NEIL3: variants seen among roughly 807,000 people sequenced by gnomAD.
NEIL3 encodes the protein endonuclease 8-like 3.
NEIL3 carries 48 observed loss-of-function variants against 57.5 expected under a neutral mutation model. That is an observed-to-expected ratio of 0.83 (90% CI 0.66 to 1.06). The LOEUF (loss-of-function observed/expected upper bound fraction) is 1.06. NEIL3 is among the 50% of genes least tolerant of loss of function. NEIL3 has a pLI of 0.00. For synonymous variants in NEIL3, 261 were observed against 253.2 expected (o/e 1.03, Z -0.29); for missense variants, 717 against 739.1 (o/e 0.97, Z 0.35).
chr4:177,351,283 A>G, intron 6 of NEIL3, 97 bp from the exon 7 acceptor site: 1 of 577,590 alleles, frequency 1.7e-6, no homozygotes, highest in Non-Finnish European at 2.9e-6. Context: ...ATAAAGAGAT[A>G]GCATTGGGGT....
rs375370636 is a variant in NEIL3 at position 177,344,750 on chromosome 4, C to T, written c.869+3108C>T. On this transcript the variant is annotated intron_variant, in intron 6 of 9. Transcript: ENST00000264596. ...CTAATTTTTGTATTTTTAGTAGAGACGGGGTTTCACCATGTGGGCCAGGCT... is the reference window on the plus strand; with the variant it reads ...CTAATTTTTGTATTTTTAGTAGAGATGGGGTTTCACCATGTGGGCCAGGCT... 5.9e-4 allele frequency among the ~76,000 whole-genome samples: 90 copies of T among 151,944 alleles called. 1 individual carries two copies. The highest frequency in any genetic ancestry group is 2.3e-3 in the South Asian group (11 of 4,816).
chr4:177,319,959 A>G (rs1734647353), intron 1 of NEIL3, among the ~76,000 whole-genome samples: 1 of 152,160 alleles, frequency 6.6e-6, no homozygotes, highest in Non-Finnish European at 1.5e-5. Flanking sequence ...CTCACCATTG[A>G]CTTATAAATG....
chr4:177,317,469 A>G (rs1364434461), intron 1 of NEIL3, among the ~76,000 whole-genome samples: 1 of 152,166 alleles, frequency 6.6e-6, no homozygotes, highest in Non-Finnish European at 1.5e-5. Flanking sequence ...GAGTTTATTT[A>G]CAAGGGAACG....
At chr4:177,331,814 T>C (rs1578993504) in intron 2 of NEIL3, among the ~76,000 whole-genome samples, 1 of 152,308 alleles carries the variant, frequency 6.6e-6, no homozygotes, top group East Asian at 1.9e-4. Flanking sequence ...GTAGTTGACC[T>C]TCGTTTGAGT....
intron 6 of NEIL3, among the ~76,000 whole-genome samples, chr4:177,344,371 C>T (rs1735166800): frequency 6.6e-6 from 1 of 152,124 alleles, no homozygotes; most frequent in Non-Finnish European, 1.5e-5. Context: ...TAAATTTTCT[C>T]ATTTTAATGT....
At chr4:177,310,257 A>G in intron 1 of NEIL3, 148 bp downstream of exon 1, 1 of 984,936 alleles carries the variant, frequency 1.0e-6, no homozygotes, top group Non-Finnish European at 1.4e-6. Context: ...TCGTCACTTT[A>G]CTGTAGGGAG....
At chr4:177,323,052 T>G (rs1002808297) in intron 2 of NEIL3, among the ~76,000 whole-genome samples, 2 of 152,194 alleles carry the variant, frequency 1.3e-5, no homozygotes. Context: ...TCCAGAGAAA[T>G]AACAGGTTCT....
chr4:177,319,956 T>C (rs924913948), intron 1 of NEIL3, among the ~76,000 whole-genome samples: 2 of 152,156 alleles, frequency 1.3e-5, no homozygotes, highest in Admixed American at 1.3e-4. Flanking sequence ...GCTCTCACCA[T>C]TGACTTATAA....
At chr4:177,312,858 T>G (rs907249675) in intron 1 of NEIL3, among the ~76,000 whole-genome samples, 1 of 152,058 alleles carries the variant, frequency 6.6e-6, no homozygotes, top group Non-Finnish European at 1.5e-5. Flanking sequence ...TTCTGGGACT[T>G]TGATCTGAAA....
At position 177,351,426 on chromosome 4, in the gene NEIL3, G is replaced by A; in HGVS notation, c.916G>A (p.Val306Met). 5.0e-6 allele frequency: 8 copies of A among 1,613,908 alleles called. No homozygotes were observed. The highest frequency in any genetic ancestry group is 1.1e-5 in the South Asian group (1 of 91,068). ...NTIISWTSSR[V>M]DHVMDSVARK... Reference sequence around the variant, plus strand: ...TATAATCAGTTGGACATCTAGCAGGGTGGATCATGTTATGGACTCCGTGGC... The same window carrying A: ...TATAATCAGTTGGACATCTAGCAGGATGGATCATGTTATGGACTCCGTGGC... The change falls in exon 7 of 10, where the codon GTG becomes ATG. Residue 306 changes from valine (V) to methionine (M), a missense_variant. Physicochemically the swap from Val to Met is conservative, Grantham distance 21. Transcript: ENST00000264596.
At chr4:177,369,185 C>T in the NEIL3 span, among the ~76,000 whole-genome samples, 4 of 152,114 alleles carry the variant, frequency 2.6e-5, no homozygotes, top group African/African-American at 9.7e-5. Context: ...AGGGAAATTT[C>T]ACATATGAGT....
intron 6 of NEIL3, among the ~76,000 whole-genome samples, chr4:177,344,096 A>G (rs1411414241): frequency 6.6e-6 from 1 of 152,158 alleles, no homozygotes; most frequent in Admixed American, 6.5e-5. Flanking sequence ...CAGTTCCCCA[A>G]AAGAGACCTA....
chr4:177,360,506 A>T lies in NEIL3; in HGVS notation c.1464A>T (p.Glu488Asp), dbSNP rs756157594. The change falls in exon 9 of 10, where the codon GAA becomes GAT. Residue 488 changes from glutamate to aspartate, a missense_variant. By Grantham distance (45) the Glu-to-Asp change is conservative. Transcript: ENST00000264596. ...ATTTTGTAACCTGTCATTACAGTGA[A>T]CTTCAAATTAATATGACAGATGGCC... ...KSCNPGYSNSELQINMTDGPR... is the reference protein window; with the variant it reads ...KSCNPGYSNSDLQINMTDGPR... 6.2e-7 allele frequency: 1 copy of T among 1,613,196 alleles called. No homozygotes were observed. The highest frequency in any genetic ancestry group is 8.5e-7 in the Non-Finnish European group (1 of 1,179,410).
intron 9 of NEIL3, among the ~76,000 whole-genome samples, chr4:177,361,648 ATCTCTCT>A (rs2110945632): frequency 6.6e-6 from 1 of 152,324 alleles, no homozygotes; most frequent in South Asian, 2.1e-4. Flanking sequence ...CCTTTTTCAT[ATCTCTCT>A]TGAGGTCAAA....
intron 2 of NEIL3, 27 bp from the exon 3 acceptor site, chr4:177,335,661 C>T: frequency 6.2e-7 from 1 of 1,603,872 alleles, no homozygotes; most frequent in African/African-American, 1.3e-5. Flanking sequence ...CTTTCTGCCA[C>T]TCAAAAATGG....
chr4:177,356,788 A>AGCTG (rs1201753702), intron 8 of NEIL3, among the ~76,000 whole-genome samples: 38 of 152,250 alleles, frequency 2.5e-4, no homozygotes, highest in Non-Finnish European at 5.4e-4. Flanking sequence ...CTTATAAATT[A>AGCTG]GATGATTGAA....
At chr4:177,343,602 T>C (rs1345647572) in intron 6 of NEIL3, 1 of 152,230 alleles carries the variant, frequency 6.6e-6, no homozygotes, top group Non-Finnish European at 1.5e-5. Context: ...TGCTTTTTCT[T>C]TGTGTCCCTG....
chr4:177,353,275 G>A lies in NEIL3; in HGVS notation c.1040-33G>A, dbSNP rs757931042. On this transcript the variant is annotated intron_variant, in intron 7 of 9. Coordinates refer to ENST00000264596, the MANE Select transcript of NEIL3 (RefSeq NM_018248.3). ...CATAATCAGTATGTTATATTTATGGGACTATTGCAGAATTACTTCTCTCTC... is the reference window on the plus strand; with the variant it reads ...CATAATCAGTATGTTATATTTATGGAACTATTGCAGAATTACTTCTCTCTC... The A allele has an allele frequency of 3.9e-6, 6 of 1,538,756 alleles. 1 individual carries two copies. The South Asian group carries it at 7.1e-5, about 18-fold the overall frequency.
At chr4:177,324,318 A>G (rs552540131) in intron 2 of NEIL3, among the ~76,000 whole-genome samples, 1 of 152,262 alleles carries the variant, frequency 6.6e-6, no homozygotes, top group East Asian at 1.9e-4. Flanking sequence ...CTTGATACCC[A>G]ACTTTTCACA....
Sources: gnomAD v4.1 joint callset for allele counts (sites outside exome capture counted in the v4.1 genomes callset) on GRCh38, gnomAD v4.1.1 for gene constraint, MANE v1.5 for transcripts, NCBI Gene and HGNC (gene_info 2026-07-23, HGNC 2026-07-21) for gene names.